DNAI1: variants seen among roughly 807,000 people sequenced by gnomAD.
The protein encoded by DNAI1 is dynein axonemal intermediate chain 1.
Under a neutral mutation model 92.0 loss-of-function variants are expected in DNAI1, and 67 were observed. The ratio of observed to expected loss-of-function variants is 0.73; its 90% CI spans 0.60 to 0.89. The LOEUF is 0.89. DNAI1 is among the 40% of genes least tolerant of loss of function. DNAI1 has a pLI of 0.00. For missense variants in DNAI1, 839 were observed against 866.6 expected (o/e 0.97, Z 0.40); for synonymous variants, 323 against 319.6 (o/e 1.01, Z -0.11).
At position 34,458,878 on chromosome 9, in the gene DNAI1, C is replaced by A; in HGVS notation, c.-128C>A. Reference sequence around the variant, plus strand: ...ACGGGGACCCACAACGACGGCTGTCCCTAAAGAACCGTTGCGACTGGTAAC... The same window carrying A: ...ACGGGGACCCACAACGACGGCTGTCACTAAAGAACCGTTGCGACTGGTAAC... On this transcript the variant is annotated 5_prime_UTR_variant, in exon 1 of 20. Coordinates refer to ENST00000242317, the MANE Select transcript of DNAI1 (RefSeq NM_012144.4). The surrounding 1 kb of genome is among the most constrained non-coding windows in gnomAD (Gnocchi z 6.6). 1.2e-6 allele frequency: 1 copy of A among 817,206 alleles called. No individual in the cohort carries two copies. Among genetic ancestry groups the A allele is most frequent in the South Asian group, 1.4e-5 (1 of 70,736 alleles). The allele number at this position is 817,206 out of a possible 1,614,324, so 50.6% of individuals were successfully genotyped here.
chr9:34,488,106 T>C (rs1230624207), intron 4 of DNAI1: 2 of 400,286 alleles, frequency 5.0e-6, no homozygotes, highest in Non-Finnish European at 1.0e-5. Context: ...AACATTAATA[T>C]TGAGCATTTA....
intron 13 of DNAI1, 143 bp from the exon 14 acceptor site, chr9:34,511,966 G>T: frequency 1.3e-6 from 1 of 752,972 alleles, no homozygotes. Flanking sequence ...AGGGAGAAAG[G>T]ACCAATCATG....
Position 34,464,534 on chromosome 9 carries a change from C to T in DNAI1, c.48+5481C>T, listed in dbSNP as rs1316857327. 3.3e-5 allele frequency among the ~76,000 whole-genome samples: 5 copies of T among 151,980 alleles called. No homozygotes were observed. The East Asian group carries it at 7.7e-4, about 23-fold the overall frequency. ...AACCTGCCCCCAATGCCCCCTGCCC[C>T]GTTATGGAAGGTAGGGTAAGTTTCC... On this transcript the variant is annotated intron_variant, in intron 1 of 19. Transcript: ENST00000242317.
chr9:34,502,089 C>T (rs1247660038), intron 12 of DNAI1, among the ~76,000 whole-genome samples: 1 of 152,206 alleles, frequency 6.6e-6, no homozygotes, highest in East Asian at 1.9e-4. Flanking sequence ...CAAGCTGCTG[C>T]TGGCTGGCAG....
At chr9:34,512,487 G>A in intron 15 of DNAI1, 63 bp downstream of exon 15, 1 of 1,491,206 alleles carries the variant, frequency 6.7e-7, no homozygotes, top group African/African-American at 1.4e-5. Context: ...GTGAGGGTCA[G>A]TGACAGTGGT....
intron 10 of DNAI1, among the ~76,000 whole-genome samples, chr9:34,500,341 C>A (rs569931357): frequency 6.6e-6 from 1 of 152,242 alleles, no homozygotes; most frequent in South Asian, 2.1e-4. Flanking sequence ...CAGCCCTTGG[C>A]AGCTGAACCC....
At chr9:34,477,918 CTCTCTCTTTT>C (rs1239008842) in intron 1 of DNAI1, among the ~76,000 whole-genome samples, 6 of 68,194 alleles carry the variant, frequency 8.8e-5, no homozygotes, top group African/African-American at 2.9e-4. Context: ...CTCTCTCTCT[CTCTCTCTTTT>C]TTTTTTTTTT....
intron 8 of DNAI1, among the ~76,000 whole-genome samples, chr9:34,492,500 A>AGATATAGATATC (rs1564033896): frequency 9.8e-5 from 4 of 40,948 alleles, no homozygotes; most frequent in African/African-American, 4.6e-4. Flanking sequence ...GAAGATATAT[A>AGATATAGATATC]TATATATATA....
At chr9:34,484,177 T>C (rs1245114816) in intron 2 of DNAI1, among the ~76,000 whole-genome samples, 1 of 152,182 alleles carries the variant, frequency 6.6e-6, no homozygotes, top group Admixed American at 6.5e-5. Flanking sequence ...ATCGTGCCGC[T>C]GCACTCCAGC....
chr9:34,493,409 C>A, intron 9 of DNAI1, 81 bp downstream of exon 9: 1 of 1,585,548 alleles, frequency 6.3e-7, no homozygotes, highest in South Asian at 1.1e-5. Context: ...GCCTGGCTGT[C>A]TGGGAGGGGT....
rs1824526114 is a variant in DNAI1, at chr9:34,488,929, GGA to G, written c.262-388_262-387del. The stretch of plus-strand genomic sequence containing the variant: ...AGCTTTAGAATCCACTAAGTACAGT[GGA>G]GAGAGGGTTATGCCAGGTGTGTTTG... On this transcript the variant is annotated intron_variant, in intron 4 of 19. Transcript: ENST00000242317. Among the ~76,000 whole-genome samples the G allele has an allele frequency of 2.0e-5, 3 of 152,166 alleles. No individual in the cohort carries two copies. In the South Asian group the frequency reaches 6.2e-4, roughly 32 times the overall value.
chr9:34,479,391 T>C (rs1202951228), intron 1 of DNAI1, among the ~76,000 whole-genome samples: 1 of 152,216 alleles, frequency 6.6e-6, no homozygotes, highest in African/African-American at 2.4e-5. Flanking sequence ...TGACATTCTA[T>C]CTCCTTTGCC....
chr9:34,490,580 C>A, intron 7 of DNAI1, 92 bp downstream of exon 7: 2 of 1,561,980 alleles, frequency 1.3e-6, no homozygotes, highest in Non-Finnish European at 1.8e-6. Flanking sequence ...CAGACCTCAG[C>A]CTGGCAGGGG....
rs868374518 is a variant in DNAI1 at position 34,483,480 on chromosome 9, A to C, written c.81A>C (p.Arg27Ser). The C allele has an allele frequency of 6.2e-7, 1 of 1,612,294 alleles. No individual in the cohort carries two copies. Among genetic ancestry groups the C allele is most frequent in the Non-Finnish European group, 8.5e-7 (1 of 1,179,716 alleles). ...GCATAGGCAGAGGAACCAGGAAGAG[A>C]GTAAGTGCTGAGACTACCATGGTCT... ...SISIGRGTRK[R>S]DEDSGTEVGE... Residue 27 changes from arginine to serine, a missense_variant and splice_region_variant, in exon 2 of 20, where the codon AGA (arginine) becomes AGC (serine). Arg to Ser is a moderately radical substitution (Grantham distance 110). Coordinates refer to ENST00000242317, the MANE Select transcript of DNAI1 (RefSeq NM_012144.4).
At chr9:34,489,296 G>A in intron 4 of DNAI1, 27 bp from the exon 5 acceptor site, 1 of 1,613,400 alleles carries the variant, frequency 6.2e-7, no homozygotes, top group South Asian at 1.1e-5. Flanking sequence ...AGGGATCCCT[G>A]GTCTGACTCA....
At chr9:34,490,199 G>A in intron 6 of DNAI1, 75 bp downstream of exon 6, 1 of 1,612,760 alleles carries the variant, frequency 6.2e-7, no homozygotes, top group Non-Finnish European at 8.5e-7. Context: ...GGTAACTTGG[G>A]AAAGGAGGAG....
At chr9:34,485,569 A>T (rs749008527) in intron 4 of DNAI1, 52 bp downstream of exon 4, 78 of 1,550,488 alleles carry the variant, frequency 5.0e-5, no homozygotes, top group Non-Finnish European at 6.7e-5. Flanking sequence ...CCTTGGAGTG[A>T]CAGTGACTTG....
intron 13 of DNAI1, among the ~76,000 whole-genome samples, chr9:34,511,272 A>G (rs1825060173): frequency 6.6e-6 from 1 of 152,250 alleles, no homozygotes; most frequent in Admixed American, 6.5e-5. Context: ...TTCATAAGAC[A>G]ACAGCTCTGT....
intron 8 of DNAI1, 140 bp downstream of exon 8, chr9:34,491,694 C>G: frequency 7.8e-6 from 7 of 901,464 alleles, no homozygotes; most frequent in Non-Finnish European, 1.3e-5. Context: ...TGCTCACTGT[C>G]CTGAGCATCC....
Sources: gnomAD v4.1 joint callset for allele counts (sites outside exome capture counted in the v4.1 genomes callset) on GRCh38, gnomAD v4.1.1 for gene constraint, Gnocchi (gnomAD v3.1) non-coding constraint, MANE v1.5 for transcripts, NCBI Gene and HGNC (gene_info 2026-07-23, HGNC 2026-07-21) for gene names.